ELAVL1: variants seen among roughly 807,000 people sequenced by gnomAD.
ELAVL1 encodes ELAV like RNA binding protein 1, also known as ELAV-like protein 1.
Under a neutral mutation model 28.4 loss-of-function variants are expected in ELAVL1, and 1 was observed. That is an observed-to-expected ratio of 0.04 (90% CI 0.01 to 0.17). ELAVL1 has a LOEUF of 0.17. Ranked by LOEUF, ELAVL1 falls within the 10% of genes least tolerant of loss-of-function variation. The pLI is 1.00. For missense variants in ELAVL1, 157 were observed against 447.2 expected, an observed-to-expected ratio of 0.35 and a Z score of 5.85; for synonymous variants, 174 against 183.5, an observed-to-expected ratio of 0.95 and a Z score of 0.42.
At chr19:7,974,129 C>G (rs904080370) in intron 3 of ELAVL1, among the ~76,000 whole-genome samples, 2 of 152,236 alleles carry the variant, frequency 1.3e-5, no homozygotes, top group South Asian at 2.1e-4. Context: ...AGGCGTGACT[C>G]CTATGTCACA....
rs1452191081 is a variant in ELAVL1 at position 7,979,792 on chromosome 19, C to A, written c.276+1291G>T. Among the ~76,000 whole-genome samples the A allele has an allele frequency of 6.6e-6, 1 of 152,222 alleles. No individual in the cohort carries two copies. Among genetic ancestry groups the A allele is most frequent in the African/African-American group, 2.4e-5 (1 of 41,446 alleles). On this transcript the variant is annotated intron_variant, in intron 3 of 5. Coordinates refer to ENST00000407627, the MANE Select transcript of ELAVL1 (RefSeq NM_001419.3). The surrounding 1 kb of genome is among the most constrained non-coding windows in gnomAD (Gnocchi z 5.4). ...GCATGGGGCAGGTCTGGGAGAGCTG[C>A]TGCTGAGCCAGGGTTTGGCCACTGA... is the stretch of plus-strand genomic sequence containing the variant.
At position 7,973,849 on chromosome 19, in the gene ELAVL1, C is replaced by G. The variant is rs1985195815; in HGVS notation, c.306G>C (p.Val102=). 2 of 1,614,116 alleles carry G rather than the reference C, an allele frequency of 1.2e-6. No individual in the cohort carries two copies. Among genetic ancestry groups the G allele is most frequent in the Non-Finnish European group, 1.7e-6 (2 of 1,180,004 alleles). ...TGATGTACAAGTTGGCGTCTTTGAT[C>G]ACCTCTGAGCTCGGGCGAGCATACG... ...KVSYARPSSE[V]IKDANLYISG... is the part of the protein sequence containing the mutation. The change falls in exon 4 of 6, where the codon GTG becomes GTC. Residue 102 remains valine, a synonymous_variant. Transcript: ENST00000407627.
At chr19:7,997,214 G>C (rs964189271) in intron 1 of ELAVL1, among the ~76,000 whole-genome samples, 4 of 152,116 alleles carry the variant, frequency 2.6e-5, no homozygotes, top group African/African-American at 9.7e-5. Context: ...CAATAGAAAG[G>C]AAAATCTATA....
chr19:7,964,698 A>AAAACT (rs529183194), intron 5 of ELAVL1, among the ~76,000 whole-genome samples: 318 of 152,222 alleles, frequency 2.1e-3, no homozygotes, highest in Admixed American at 3.0e-3. Flanking sequence ...TCAGAAAACA[A>AAAACT]AAACTAAACT....
intron 4 of ELAVL1, 107 bp downstream of exon 4, chr19:7,973,618 C>G: frequency 7.2e-7 from 1 of 1,383,784 alleles, no homozygotes; most frequent in Non-Finnish European, 9.9e-7. Flanking sequence ...TCCTCGTTTG[C>G]GGAATAACTA....
chr19:7,984,965 G>C (rs1388589272), intron 2 of ELAVL1, among the ~76,000 whole-genome samples: 1 of 152,180 alleles, frequency 6.6e-6, no homozygotes, highest in Admixed American at 6.5e-5. Flanking sequence ...TTTAAGTCAG[G>C]GTCTCAGTCT....
At chr19:8,003,381 G>GAAAAAAAAAAAAAAAA (rs71165249) in intron 1 of ELAVL1, among the ~76,000 whole-genome samples, 1 of 88,750 alleles carries the variant, frequency 1.1e-5, no homozygotes. Flanking sequence ...AAAAGAAAAA[G>GAAAAAAAAAAAAAAAA]AAAAAAAAAA....
intron 2 of ELAVL1, among the ~76,000 whole-genome samples, chr19:7,987,199 C>T (rs981466772): frequency 1.3e-5 from 2 of 152,020 alleles, no homozygotes; most frequent in Non-Finnish European, 2.9e-5. Context: ...CCCCCTCCTC[C>T]GGGATGTGGT....
chr19:7,986,840 G>A (rs1256505538), intron 2 of ELAVL1, among the ~76,000 whole-genome samples: 1 of 152,212 alleles, frequency 6.6e-6, no homozygotes, highest in Non-Finnish European at 1.5e-5. Flanking sequence ...AGCCCATTCT[G>A]TAGAAGTACG....
At chr19:7,980,763 C>T (rs1985438879) in intron 3 of ELAVL1, among the ~76,000 whole-genome samples, 1 of 152,144 alleles carries the variant, frequency 6.6e-6, no homozygotes, top group Non-Finnish European at 1.5e-5. Context: ...CAACTGGCCC[C>T]AAGGAGCGCA....
At chr19:7,991,108 A>T (rs922831428) in intron 2 of ELAVL1, among the ~76,000 whole-genome samples, 2 of 152,224 alleles carry the variant, frequency 1.3e-5, no homozygotes. Flanking sequence ...GTTCAAGCTC[A>T]GCATGGTGCA....
chr19:7,964,972 G>A (rs547920187), intron 5 of ELAVL1, among the ~76,000 whole-genome samples: 14 of 152,356 alleles, frequency 9.2e-5, no homozygotes, highest in African/African-American at 2.6e-4. Flanking sequence ...TCAGCCAAGC[G>A]CAGCCCTGCA....
At chr19:7,966,201 A>G (rs569547810) in intron 5 of ELAVL1, among the ~76,000 whole-genome samples, 57 of 152,224 alleles carry the variant, frequency 3.7e-4, no homozygotes, top group African/African-American at 1.3e-3. Flanking sequence ...TAAAAAAAAA[A>G]GGGAAATCTA....
rs1486149999 is a variant in ELAVL1, at chr19:7,959,984, T to C, written c.*3499A>G. The C allele has an allele frequency of 6.6e-6, 1 of 152,108 alleles. No homozygotes were observed. The highest frequency in any genetic ancestry group is 1.5e-5 in the Non-Finnish European group (1 of 68,028). The allele number at this position is 152,108 out of a possible 1,614,324, so 9.4% of individuals were successfully genotyped here. A position where few individuals can be genotyped will look rare whatever the true frequency, so the allele number is the denominator to read the frequency against. On this transcript the variant is annotated 3_prime_UTR_variant, in exon 6 of 6. Coordinates refer to ENST00000407627, the MANE Select transcript of ELAVL1 (RefSeq NM_001419.3). ...ACACAGGAAGGCTGCGAAAAGCACATGGAAATAAAAGGGGGCTGAATCGGA... is the reference window on the plus strand; with the variant it reads ...ACACAGGAAGGCTGCGAAAAGCACACGGAAATAAAAGGGGGCTGAATCGGA...
chr19:7,989,745 C>A (rs1985702689), intron 2 of ELAVL1, among the ~76,000 whole-genome samples: 1 of 152,222 alleles, frequency 6.6e-6, no homozygotes, highest in African/African-American at 2.4e-5. Flanking sequence ...TCTAACACTG[C>A]TCAAGTTTGT....
In ELAVL1 at chr19:7,968,575, C is replaced by T. The variant is rs187768786; in HGVS notation, c.431-785G>A. Among the ~76,000 whole-genome samples the T allele has an allele frequency of 1.1e-4, 16 of 152,316 alleles. 1 individual carries two copies. Among genetic ancestry groups the T allele is most frequent in the Admixed American group, 1.0e-3 (16 of 15,310 alleles). On this transcript the variant is annotated intron_variant, in intron 4 of 5. Coordinates refer to ENST00000407627, the MANE Select transcript of ELAVL1 (RefSeq NM_001419.3). ...CCCTGTATGGGAAGGGCCAGGGCCC[C>T]AGCAGCCAAGCCCAGAGGGCATCTT...
chr19:7,987,856 A>G (rs1985647352), intron 2 of ELAVL1, among the ~76,000 whole-genome samples: 1 of 152,236 alleles, frequency 6.6e-6, no homozygotes. Flanking sequence ...CAGGTGCCAT[A>G]GGAACCCACA....
chr19:8,000,953 A>T (rs2081065748), intron 1 of ELAVL1, among the ~76,000 whole-genome samples: 1 of 152,254 alleles, frequency 6.6e-6, no homozygotes, highest in South Asian at 2.1e-4. Context: ...TCTCACACAG[A>T]AGTGCAAAGC....
rs748842783 is a variant in ELAVL1, at chr19:7,973,811, C to T, written c.344G>A (p.Arg115Gln). The T allele has an allele frequency of 1.9e-6, 3 of 1,614,084 alleles. No homozygotes were observed. The highest frequency in any genetic ancestry group is 1.1e-5 in the South Asian group (1 of 91,072). ...DANLYISGLP[R>Q]TMTQKDVEDM... ...TTCTACGTCCTTCTGGGTCATGGTC[C>T]GCGGGAGCCCGCTGATGTACAAGTT... is the stretch of plus-strand genomic sequence containing the variant. Residue 115 changes from arginine (R) to glutamine (Q), a missense_variant, in exon 4 of 6, where the codon CGG (arginine) becomes CAG (glutamine). Around this residue, in one of 4 missense-constraint regions of ELAVL1, gnomAD observed 107 missense variants for 310.4 expected, o/e 0.34. Coordinates refer to ENST00000407627, the MANE Select transcript of ELAVL1 (RefSeq NM_001419.3).
Sources: allele counts gnomAD v4.1 joint callset (sites outside exome capture counted in the v4.1 genomes callset), GRCh38; gene constraint gnomAD v4.1.1; regional missense constraint gnomAD v4.1.1; non-coding constraint Gnocchi (gnomAD v3.1); transcripts MANE v1.5; gene names NCBI Gene and HGNC (gene_info 2026-07-23, HGNC 2026-07-21).